The following ULK4 variants were observed in gnomAD, a reference collection of about 807,000 sequenced individuals.
The protein encoded by ULK4 is inactive serine/threonine-protein kinase ULK4.
A neutral mutation model predicts 160.6 loss-of-function variants in ULK4; 133 were observed. The ratio of observed to expected loss-of-function variants is 0.83; its 90% confidence interval spans 0.72 to 0.96. ULK4 has a LOEUF of 0.96. Among genes scored for constraint, ULK4 ranks in the 40% least tolerant of loss-of-function variants. ULK4 has a pLI of 0.00. For synonymous variants in ULK4, 534 were observed against 539.8 expected, an observed-to-expected ratio of 0.99 and a Z score of 0.15; for missense variants, 1,580 against 1,499.5, an observed-to-expected ratio of 1.05 and a Z score of -0.89.
At chr3:41,825,703 A>G (rs975732786) in intron 18 of ULK4, among the ~76,000 whole-genome samples, 18 of 152,348 alleles carry the variant, frequency 1.2e-4, no homozygotes, top group Non-Finnish European at 2.4e-4. Flanking sequence ...TGAAAGTGAC[A>G]GGGAGAATGG....
Position 41,850,260 on chromosome 3 carries a change from T to C in ULK4, c.1657-14289A>G, listed in dbSNP as rs867900931. On this transcript the variant is annotated intron_variant, in intron 17 of 36. Transcript: ENST00000301831. ...AAGTCTTTGCTATTGTGAATAGTGC[T>C]GCAATAAACATACGTGTGCATGTGT... Among the ~76,000 whole-genome samples, 13 of 152,320 alleles carry C rather than the reference T, an allele frequency of 8.5e-5. No individual in the cohort carries two copies. In the Middle Eastern group the frequency reaches 0.01, roughly 120 times the overall value.
At chr3:41,674,652 A>G (rs1480165889) in intron 29 of ULK4, among the ~76,000 whole-genome samples, 4 of 152,228 alleles carry the variant, frequency 2.6e-5, no homozygotes, top group African/African-American at 9.6e-5. Flanking sequence ...AAGAACCACA[A>G]GATAAAGACT....
At chr3:41,319,672 C>A (rs570474902) in intron 35 of ULK4, among the ~76,000 whole-genome samples, 1 of 152,198 alleles carries the variant, frequency 6.6e-6, no homozygotes, top group Admixed American at 6.5e-5. Context: ...TTGGTGTTTA[C>A]CATGTGCCTG....
Position 41,920,022 on chromosome 3 carries a change from G to T in ULK4, c.542-204C>A, listed in dbSNP as rs566191953. ...AGGATGTGTGTGAATATAAAAAAGT[G>T]TTTAAAATCTACCTGAGAGGTATGG... On this transcript the variant is annotated intron_variant, in intron 5 of 36. Transcript: ENST00000301831. Among the ~76,000 whole-genome samples, 4 of 152,324 alleles carry T rather than the reference G, an allele frequency of 2.6e-5. No homozygotes were observed. The East Asian group carries it at 7.7e-4, about 29-fold the overall frequency.
intron 25 of ULK4, among the ~76,000 whole-genome samples, chr3:41,709,122 T>C (rs955490162): frequency 3.9e-5 from 6 of 152,206 alleles, no homozygotes; most frequent in Non-Finnish European, 5.9e-5. Flanking sequence ...TCTCCTAGTG[T>C]AGAGTTACAG....
At chr3:41,783,247 C>G (rs758942869) in intron 21 of ULK4, among the ~76,000 whole-genome samples, 2 of 151,886 alleles carry the variant, frequency 1.3e-5, no homozygotes. Flanking sequence ...TAAATAGAGA[C>G]GGAGTCTTAG....
At chr3:41,356,625 T>G (rs1285303664) in intron 35 of ULK4, among the ~76,000 whole-genome samples, 1 of 152,264 alleles carries the variant, frequency 6.6e-6, no homozygotes, top group African/African-American at 2.4e-5. Context: ...CTCATTGCTG[T>G]AATGCTTTGT....
At chr3:41,409,825 T>G (rs1002695542) in intron 34 of ULK4, among the ~76,000 whole-genome samples, 1 of 152,044 alleles carries the variant, frequency 6.6e-6, no homozygotes, top group African/African-American at 2.4e-5. Context: ...GGTGCACACC[T>G]GTAGTCCCAG....
At chr3:41,331,345 G>T (rs187246168) in intron 35 of ULK4, among the ~76,000 whole-genome samples, 47 of 152,276 alleles carry the variant, frequency 3.1e-4, no homozygotes, top group Admixed American at 7.2e-4. Flanking sequence ...TAAGGTTCTC[G>T]ACAGCTAATC....
intron 29 of ULK4, among the ~76,000 whole-genome samples, chr3:41,676,146 A>T (rs779802105): frequency 2.0e-5 from 3 of 152,338 alleles, no homozygotes; most frequent in African/African-American, 2.4e-5. Flanking sequence ...GGGCATTGAT[A>T]TAAGCCACCA....
intron 17 of ULK4, among the ~76,000 whole-genome samples, chr3:41,878,113 C>T (rs1239213642): frequency 6.7e-6 from 1 of 150,232 alleles, no homozygotes; most frequent in African/African-American, 2.5e-5. Flanking sequence ...CCTAGAGAAC[C>T]CAGATTGAGT....
intron 19 of ULK4, among the ~76,000 whole-genome samples, chr3:41,818,531 G>A (rs1428609870): frequency 2.6e-5 from 4 of 152,146 alleles, no homozygotes; most frequent in Non-Finnish European, 5.9e-5. Flanking sequence ...TATTGACAAA[G>A]TACAATTGAT....
At chr3:41,497,527 C>T (rs780969078) in intron 32 of ULK4, among the ~76,000 whole-genome samples, 3 of 152,020 alleles carry the variant, frequency 2.0e-5, no homozygotes, top group Non-Finnish European at 2.9e-5. Flanking sequence ...AAAATGTATT[C>T]TTGCAAATTC....
intron 7 of ULK4, among the ~76,000 whole-genome samples, chr3:41,917,772 G>T (rs1178136539): frequency 6.6e-6 from 1 of 152,008 alleles, no homozygotes; most frequent in Non-Finnish European, 1.5e-5. Flanking sequence ...ATGACATCAG[G>T]AGTTTGAGAC....
At position 41,363,806 on chromosome 3, in the gene ULK4, T is replaced by C. The variant is rs2081196286; in HGVS notation, c.3678+34273A>G. ...AGCACTATGACAAACACTTTGAATA[T>C]CTATCTGCTGTAATCTTCATAAAAG... On this transcript the variant is annotated intron_variant, in intron 35 of 36. Coordinates refer to ENST00000301831, the MANE Select transcript of ULK4 (RefSeq NM_017886.4). Among the ~76,000 whole-genome samples, 4 of 152,320 alleles carry C rather than the reference T, an allele frequency of 2.6e-5. No homozygotes were observed. The South Asian group carries it at 8.3e-4, about 32-fold the overall frequency.
chr3:41,713,200 T>A (rs1030530387), intron 25 of ULK4, among the ~76,000 whole-genome samples: 2 of 152,214 alleles, frequency 1.3e-5, no homozygotes, highest in South Asian at 4.1e-4. Context: ...GCAATGTACA[T>A]TTCTAAGGGT....
At position 41,732,878 on chromosome 3, in the gene ULK4, G is replaced by C. The variant is rs553321695; in HGVS notation, c.2322-15017C>G. Among the ~76,000 whole-genome samples, 24 of 152,130 alleles carry C rather than the reference G, an allele frequency of 1.6e-4. No homozygotes were observed. In the South Asian group the frequency reaches 5.0e-3, roughly 32 times the overall value. On this transcript the variant is annotated intron_variant, in intron 22 of 36. Coordinates refer to ENST00000301831, the MANE Select transcript of ULK4 (RefSeq NM_017886.4). Reference sequence around the variant, plus strand: ...AGTGAAATAATCCAGGCATGATCTCGCTCATATGTGGAATCTCAAAAAGCT... The same window carrying C: ...AGTGAAATAATCCAGGCATGATCTCCCTCATATGTGGAATCTCAAAAAGCT...
chr3:41,800,272 T>C lies in ULK4; in HGVS notation c.1870A>G (p.Met624Val), dbSNP rs1414047782. 8.1e-6 allele frequency: 13 copies of C among 1,612,586 alleles called. No individual in the cohort carries two copies. The highest frequency in any genetic ancestry group is 1.3e-5 in the African/African-American group (1 of 74,804). ...REGEERVVNH[M>V]AAKIIENVCT... ...ACATTTTCAATAATTTTTGCTGCCA[T>C]GTGATTCACAACACGCTCTTCCTAT... The change falls in exon 20 of 37, where the codon ATG becomes GTG. Residue 624 changes from methionine to valine, a missense_variant. Physicochemically the swap from Met to Val is conservative, Grantham distance 21. Coordinates refer to ENST00000301831, the MANE Select transcript of ULK4 (RefSeq NM_017886.4).
intron 35 of ULK4, among the ~76,000 whole-genome samples, chr3:41,285,658 G>A (rs1199700002): frequency 6.6e-6 from 1 of 152,164 alleles, no homozygotes; most frequent in Admixed American, 6.5e-5. Flanking sequence ...TGAGTGATGG[G>A]TGCACCAAAC....
Sources: gnomAD v4.1 joint callset for allele counts (sites outside exome capture counted in the v4.1 genomes callset) on GRCh38, gnomAD v4.1.1 for gene constraint, MANE v1.5 for transcripts, NCBI Gene and HGNC (gene_info 2026-07-23, HGNC 2026-07-21) for gene names.